MVK: variants seen among roughly 807,000 people sequenced by gnomAD.
MVK encodes LH receptor mRNA-binding protein.
Under a neutral mutation model 43.2 loss-of-function variants are expected in MVK, and 34 were observed. The ratio of observed to expected loss-of-function variants is 0.79; its 90% CI spans 0.60 to 1.05. The LOEUF is 1.05. Ranked by LOEUF, MVK falls within the 50% of genes least tolerant of loss-of-function variation. The probability of loss-of-function intolerance (pLI) is 0.00; values close to 1 mark genes in which losing one functional copy is unlikely to be tolerated. For missense variants in MVK, 395 were observed against 504.0 expected (o/e 0.78, Z 2.07); for synonymous variants, 190 against 219.8 (o/e 0.86, Z 1.20).
intron 7 of MVK, 166 bp downstream of exon 7, chr12:109,586,965 G>A: frequency 1.3e-6 from 1 of 748,506 alleles, no homozygotes. Context: ...GGGGTGGTGG[G>A]GAAGACCTGC....
At chr12:109,586,717 T>A (rs778630807) in intron 6 of MVK, 37 bp from the exon 7 acceptor site, 13 of 1,612,912 alleles carry the variant, frequency 8.1e-6, no homozygotes, top group Non-Finnish European at 1.1e-5. Flanking sequence ...TATGTTAGCT[T>A]TTCCCACAGC....
upstream of MVK, chr12:109,573,288 G>A (rs934926755): frequency 1.2e-6 from 2 of 1,608,870 alleles, no homozygotes; most frequent in African/African-American, 2.7e-5. Context: ...ACGTACCCAT[G>A]GCGACGACAC....
intron 7 of MVK, chr12:109,590,521 A>C: frequency 1.8e-6 from 1 of 541,958 alleles, no homozygotes; most frequent in Non-Finnish European, 3.4e-6. Context: ...AGCATGTTGT[A>C]GGTCCCAGTT....
intron 1 of MVK, 131 bp from the exon 2 acceptor site, chr12:109,574,678 A>G (rs1884845427): frequency 1.3e-6 from 1 of 774,288 alleles, no homozygotes; most frequent in Non-Finnish European, 2.2e-6. Flanking sequence ...CCTTTCTGGT[A>G]CGTAGCAAGT....
chr12:109,590,848 A>G lies in MVK; in HGVS notation c.755A>G (p.Asn252Ser), dbSNP rs112324119. ...NTRALVAGVR[N>S]RLLKFPEIVA... ...AGGGCCCTTGTGGCTGGCGTCAGAA[A>G]CAGGCTGCTCAAGGTGACTCTTGTT... Residue 252 changes from asparagine (N) to serine (S), a missense_variant, in exon 8 of 11, where the codon AAC becomes AGC. Physicochemically the swap from Asn to Ser is conservative, Grantham distance 46. Transcript: ENST00000228510. 1.7e-5 allele frequency: 28 copies of G among 1,614,166 alleles called. 1 individual carries two copies. In the African/African-American group the frequency reaches 1.9e-4, roughly 11 times the overall value.
chr12:109,573,633 T>C, upstream of MVK: 1 of 914,608 alleles, frequency 1.1e-6, no homozygotes, highest in South Asian at 1.4e-5. Context: ...GGGACTTGTT[T>C]CCCATTGGTT....
At chr12:109,588,752 G>A (rs1039509449) in intron 7 of MVK, 1 of 152,288 alleles carries the variant, frequency 6.6e-6, no homozygotes, top group Non-Finnish European at 1.5e-5. Context: ...TGCGTGCTGA[G>A]TACTGGGGCC....
chr12:109,577,812 C>T (rs950740141), intron 3 of MVK, among the ~76,000 whole-genome samples: 7 of 152,156 alleles, frequency 4.6e-5, no homozygotes, highest in Admixed American at 3.3e-4. Context: ...TCTGGGGACA[C>T]CTCAGTTAAA....
intron 4 of MVK, among the ~76,000 whole-genome samples, chr12:109,580,388 C>T (rs562892731): frequency 3.8e-4 from 58 of 152,286 alleles, no homozygotes; most frequent in African/African-American, 1.3e-3. Flanking sequence ...GAGGCATGAG[C>T]GACTGCACCC....
chr12:109,575,482 T>C (rs1884906156), intron 2 of MVK, among the ~76,000 whole-genome samples: 1 of 151,906 alleles, frequency 6.6e-6, no homozygotes, highest in Non-Finnish European at 1.5e-5. Flanking sequence ...CTTGCGATCA[T>C]GGCTCACTGC....
At chr12:109,573,601 AC>A, upstream of MVK, 1 of 1,220,052 alleles carries the variant, frequency 8.2e-7, no homozygotes, top group South Asian at 1.3e-5. Flanking sequence ...CGCAGTTCTC[AC>A]CCCAGGGCGG....
At chr12:109,590,683 G>A in intron 7 of MVK, 88 bp from the exon 8 acceptor site, 1 of 1,177,898 alleles carries the variant, frequency 8.5e-7, no homozygotes, top group Non-Finnish European at 1.3e-6. Context: ...TCCGTATCAG[G>A]GTGGGCGGCT....
rs1593033294 is a variant in MVK, at chr12:109,596,904, C to T, written c.*327C>T. ...GCCCCCGCCTTGGCCTGTGTTCTTC[C>T]TGGCCGCCTGGGTCCAATGCTCAGG... On this transcript the variant is annotated 3_prime_UTR_variant, in exon 11 of 11. Coordinates refer to ENST00000228510, the MANE Select transcript of MVK (RefSeq NM_000431.4). 2.4e-6 allele frequency: 1 copy of T among 421,928 alleles called. No individual in the cohort carries two copies. Among genetic ancestry groups the T allele is most frequent in the East Asian group, 5.2e-5 (1 of 19,150 alleles). 26.1% of individuals were successfully genotyped at this position (421,928 alleles called of 1,614,324 possible).
At chr12:109,590,939 T>A in intron 8 of MVK, 78 bp downstream of exon 8, 1 of 1,443,772 alleles carries the variant, frequency 6.9e-7, no homozygotes, top group Non-Finnish European at 9.6e-7. Context: ...GGTCTCCCTC[T>A]GGCTGATGGG....
At chr12:109,582,063 C>T (rs1885241418) in intron 5 of MVK, among the ~76,000 whole-genome samples, 2 of 152,324 alleles carry the variant, frequency 1.3e-5, no homozygotes, top group Non-Finnish European at 1.5e-5. Flanking sequence ...CCTACGGGGC[C>T]GTCTCCACGG....
intron 7 of MVK, 104 bp downstream of exon 7, chr12:109,586,903 G>T: frequency 1.4e-6 from 2 of 1,406,924 alleles, no homozygotes; most frequent in South Asian, 1.2e-5. Context: ...AGGTGTCCCT[G>T]GCTCTTCATC....
intron 6 of MVK, 62 bp downstream of exon 6, chr12:109,586,187 G>A: frequency 7.7e-7 from 1 of 1,291,286 alleles, no homozygotes; most frequent in East Asian, 2.4e-5. Flanking sequence ...TACAATGGTA[G>A]GTGCCCAAGA....
chr12:109,579,958 G>A lies in MVK; in HGVS notation c.371+12G>A, dbSNP rs1322575575. On this transcript the variant is annotated intron_variant, in intron 4 of 10. Coordinates refer to ENST00000228510, the MANE Select transcript of MVK (RefSeq NM_000431.4). ...TGCCGGAAGCAGAGGTGTGTGCGTG[G>A]TCTGGGGAAGGAGTCCAGATTCAGC... 15 of 1,614,074 alleles carry A rather than the reference G, an allele frequency of 9.3e-6. No individual in the cohort carries two copies. The highest frequency in any genetic ancestry group is 1.2e-5 in the Non-Finnish European group (14 of 1,180,048).
intron 9 of MVK, among the ~76,000 whole-genome samples, chr12:109,594,221 G>A (rs571816122): frequency 6.6e-6 from 1 of 152,328 alleles, no homozygotes; most frequent in African/African-American, 2.4e-5. Context: ...CGTTGTGGGT[G>A]TTTGGTAAAT....
Sources: gnomAD v4.1 joint callset for allele counts (sites outside exome capture counted in the v4.1 genomes callset) on GRCh38, gnomAD v4.1.1 for gene constraint, MANE v1.5 for transcripts, NCBI Gene and HGNC (gene_info 2026-07-23, HGNC 2026-07-21) for gene names.